CFAP299: variants seen among roughly 807,000 people sequenced by gnomAD.
CFAP299 encodes cilia- and flagella-associated protein 299.
In CFAP299, 21 loss-of-function variants were observed where a neutral mutation model predicts 27.0. That is an observed-to-expected ratio of 0.78 (90% CI 0.55 to 1.12). CFAP299 has a LOEUF of 1.12. CFAP299 is among the 50% of genes most tolerant of loss of function. The pLI is 0.00. For synonymous variants in CFAP299, 104 were observed against 98.1 expected (o/e 1.06, Z -0.36); for missense variants, 310 against 276.6 (o/e 1.12, Z -0.86).
chr4:80,935,810 G>A (rs572135123), intron 4 of CFAP299, among the ~76,000 whole-genome samples: 1 of 151,924 alleles, frequency 6.6e-6, no homozygotes, highest in Non-Finnish European at 1.5e-5. Flanking sequence ...TATTTGCAAA[G>A]TATGCATCTG....
At chr4:80,755,489 A>G (rs1203205070) in intron 3 of CFAP299, among the ~76,000 whole-genome samples, 2 of 152,114 alleles carry the variant, frequency 1.3e-5, no homozygotes, top group Non-Finnish European at 2.9e-5. Flanking sequence ...GAACAAATGC[A>G]TGGAAGACTT....
intron 3 of CFAP299, among the ~76,000 whole-genome samples, chr4:80,612,644 T>A (rs1419017695): frequency 1.3e-5 from 2 of 152,154 alleles, no homozygotes; most frequent in African/African-American, 4.8e-5. Flanking sequence ...TTTTATTAAA[T>A]AATTTTCTGT....
intron 3 of CFAP299, among the ~76,000 whole-genome samples, chr4:80,841,758 T>C (rs1403250457): frequency 6.6e-6 from 1 of 152,076 alleles, no homozygotes; most frequent in Non-Finnish European, 1.5e-5. Context: ...ATGGCAGAGC[T>C]AAGCTAAACC....
chr4:80,450,163 TAAACA>T (rs1560573009), intron 2 of CFAP299, among the ~76,000 whole-genome samples: 1 of 152,028 alleles, frequency 6.6e-6, no homozygotes, highest in East Asian at 1.9e-4. Context: ...AAGCCAGGGG[TAAACA>T]AAACAAAACA....
the CFAP299 span, among the ~76,000 whole-genome samples, chr4:80,328,552 G>A: frequency 1.3e-5 from 2 of 151,752 alleles, no homozygotes; most frequent in Admixed American, 6.6e-5. Flanking sequence ...AGGAGTAAGA[G>A]AGAAGGAAGA....
intron 2 of CFAP299, among the ~76,000 whole-genome samples, chr4:80,455,389 C>G (rs373217638): frequency 2.6e-5 from 4 of 152,154 alleles, no homozygotes; most frequent in Non-Finnish European, 5.9e-5. Flanking sequence ...GGCAGTTTCA[C>G]GGGCACAAAT....
chr4:80,689,115 T>C (rs7682832), intron 3 of CFAP299, among the ~76,000 whole-genome samples: 3,478 of 152,206 alleles, frequency 0.023, 143 homozygotes, highest in African/African-American at 0.079. Flanking sequence ...TGGAAAGCAC[T>C]CTGCAGGATA....
chr4:80,493,182 A>G (rs1348835238), intron 2 of CFAP299, among the ~76,000 whole-genome samples: 4 of 152,194 alleles, frequency 2.6e-5, no homozygotes, highest in Non-Finnish European at 5.9e-5. Context: ...ATGCATTCCC[A>G]TTGTTATAAA....
chr4:80,489,659 A>T (rs1353807584), intron 2 of CFAP299, among the ~76,000 whole-genome samples: 1 of 152,200 alleles, frequency 6.6e-6, no homozygotes, highest in East Asian at 1.9e-4. Flanking sequence ...TCTGCCTCTG[A>T]TACCTACCTA....
intron 3 of CFAP299, among the ~76,000 whole-genome samples, chr4:80,785,369 T>G (rs1727184379): frequency 6.6e-6 from 1 of 152,162 alleles, no homozygotes; most frequent in African/African-American, 2.4e-5. Context: ...CATTCACCAC[T>G]GTCCTTGAGC....
At chr4:80,861,377 C>G (rs1732345055) in intron 3 of CFAP299, among the ~76,000 whole-genome samples, 3 of 152,184 alleles carry the variant, frequency 2.0e-5, no homozygotes, top group Non-Finnish European at 4.4e-5. Flanking sequence ...TGAGGCAATG[C>G]CTCACCCTGC....
At chr4:80,608,397 A>G (rs1737786878) in intron 3 of CFAP299, 3 of 1,507,098 alleles carry the variant, frequency 2.0e-6, no homozygotes, top group Non-Finnish European at 2.7e-6. Context: ...AGTACTGCTT[A>G]TGGAAAAGTT....
chr4:80,738,080 G>A (rs1204970547), intron 3 of CFAP299, among the ~76,000 whole-genome samples: 2 of 152,046 alleles, frequency 1.3e-5, no homozygotes, highest in Non-Finnish European at 2.9e-5. Context: ...ATTCCATTGT[G>A]GTTAGAGAGG....
chr4:80,374,197 C>T (rs764680082), intron 2 of CFAP299, among the ~76,000 whole-genome samples: 4 of 152,168 alleles, frequency 2.6e-5, no homozygotes, highest in Non-Finnish European at 5.9e-5. Flanking sequence ...CTTATTTAGT[C>T]TTATTTCTGC....
intron 3 of CFAP299, among the ~76,000 whole-genome samples, chr4:80,859,995 C>T (rs986798156): frequency 8.5e-5 from 13 of 152,164 alleles, no homozygotes; most frequent in African/African-American, 3.1e-4. Context: ...GGATAATATC[C>T]TGCAGAGTGT....
intron 2 of CFAP299, among the ~76,000 whole-genome samples, chr4:80,568,868 A>G (rs1331929690): frequency 6.6e-6 from 1 of 152,134 alleles, no homozygotes; most frequent in African/African-American, 2.4e-5. Context: ...ACATGTAATT[A>G]GGTTAATGGC....
chr4:80,943,800 G>T (rs988478314), intron 4 of CFAP299, among the ~76,000 whole-genome samples: 32 of 152,150 alleles, frequency 2.1e-4, no homozygotes, highest in Non-Finnish European at 3.5e-4. Flanking sequence ...TGGGCATAGT[G>T]GCTCACGCCT....
intron 2 of CFAP299, chr4:80,386,213 G>C: frequency 1.0e-6 from 1 of 966,864 alleles, no homozygotes; most frequent in East Asian, 2.5e-5. Context: ...AGCACAGCGA[G>C]CATGGCACAT....
chr4:80,630,981 T>TAAAATAA (rs1739176060), intron 3 of CFAP299, among the ~76,000 whole-genome samples: 1 of 152,030 alleles, frequency 6.6e-6, no homozygotes, highest in African/African-American at 2.4e-5. Context: ...GTTAAAATAT[T>TAAAATAA]AAAATTAGAA....
Sources: gnomAD v4.1 joint callset for allele counts (sites outside exome capture counted in the v4.1 genomes callset) on GRCh38, gnomAD v4.1.1 for gene constraint, MANE v1.5 for transcripts, NCBI Gene and HGNC (gene_info 2026-07-23, HGNC 2026-07-21) for gene names.